EHMT1: variants seen among roughly 807,000 people sequenced by gnomAD.
EHMT1 encodes euchromatic histone lysine methyltransferase 1, also known as histone-lysine N-methyltransferase EHMT1.
In EHMT1, 15 loss-of-function variants were observed where a neutral mutation model predicts 147.2. The observed-to-expected ratio is 0.10, with a 90% CI of 0.07 to 0.16. The LOEUF (loss-of-function observed/expected upper bound fraction) is 0.16. Ranked by LOEUF, EHMT1 falls within the 10% of genes least tolerant of loss-of-function variation. EHMT1 has a pLI of 1.00. For synonymous variants in EHMT1, 795 were observed against 709.6 expected (o/e 1.12, Z -1.91); for missense variants, 1,587 against 1,772.4 (o/e 0.90, Z 1.88).
At chr9:137,754,435 T>C (rs1949220282) in intron 8 of EHMT1, 144 bp downstream of exon 8, 2 of 1,225,288 alleles carry the variant, frequency 1.6e-6, no homozygotes, top group Non-Finnish European at 1.1e-6. Context: ...ATGACTTTGT[T>C]AGAGAAACTC....
At chr9:137,718,197 G>A (rs905511802) in intron 3 of EHMT1, among the ~76,000 whole-genome samples, 5 of 151,500 alleles carry the variant, frequency 3.3e-5, no homozygotes, top group Middle Eastern at 3.4e-3. Context: ...CCCCTCACGC[G>A]CACCGTGCTG....
chr9:137,679,985 CAG>C (rs1299522800), intron 1 of EHMT1, among the ~76,000 whole-genome samples: 1 of 152,176 alleles, frequency 6.6e-6, no homozygotes, highest in African/African-American at 2.4e-5. Flanking sequence ...CCAGCTGCCT[CAG>C]TGTCTCAGTG....
In EHMT1 at chr9:137,743,958, G is replaced by C; in HGVS notation, c.1038G>C (p.Met346Ile). The C allele has an allele frequency of 6.2e-7, 1 of 1,613,864 alleles. No individual in the cohort carries two copies. Among genetic ancestry groups the C allele is most frequent in the East Asian group, 2.2e-5 (1 of 44,886 alleles). ...SLHVNGESLE[M>I]DSDEDDSEEL... is the part of the protein sequence containing the mutation. ...ACGTGAATGGGGAGAGCCTGGAGAT[G>C]GACTCGGATGAGGACGACTCAGAGG... is the stretch of plus-strand genomic sequence containing the variant. Residue 346 changes from methionine (M) to isoleucine (I), a missense_variant, in exon 6 of 27, where the codon ATG (methionine) becomes ATC (isoleucine). Transcript: ENST00000460843.
chr9:137,756,745 A>G (rs1047082013), intron 8 of EHMT1, among the ~76,000 whole-genome samples: 4 of 152,228 alleles, frequency 2.6e-5, no homozygotes, highest in Non-Finnish European at 4.4e-5. Context: ...AATGTGCAAA[A>G]TGTGTGCTTT....
chr9:137,671,123 C>G lies in EHMT1; in HGVS notation c.22-39844C>G, dbSNP rs1940571384. Among the ~76,000 whole-genome samples, 3 of 152,192 alleles carry G rather than the reference C, an allele frequency of 2.0e-5. No individual in the cohort carries two copies. In the South Asian group the frequency reaches 6.2e-4, roughly 31 times the overall value. ...TTGACTTACAGATTAGTGAGGGTGT[C>G]TTGCCTATAGTTAACTGTTTTCCCG... On this transcript the variant is annotated intron_variant, in intron 1 of 26. Coordinates refer to ENST00000460843, the MANE Select transcript of EHMT1 (RefSeq NM_024757.5).
intron 24 of EHMT1, chr9:137,817,835 A>G: frequency 1.6e-6 from 1 of 627,374 alleles, no homozygotes; most frequent in Middle Eastern, 4.2e-4. Flanking sequence ...CTGGGTTCTC[A>G]GGTACCAGAC....
intron 8 of EHMT1, 21 bp downstream of exon 8, chr9:137,754,312 G>A (rs972365690): frequency 6.2e-7 from 1 of 1,613,508 alleles, no homozygotes; most frequent in Non-Finnish European, 8.5e-7. Flanking sequence ...TGGGGGTGTG[G>A]GCCATCACGG....
chr9:137,668,956 AGCTCACTGCAAGCTCC>A (rs1940056898), intron 1 of EHMT1, among the ~76,000 whole-genome samples: 1 of 152,076 alleles, frequency 6.6e-6, no homozygotes, highest in Non-Finnish European at 1.5e-5. Context: ...GCGCAATCTC[AGCTCACTGCAAGCTCC>A]GCCTCCCAGG....
chr9:137,784,593 C>T (rs1163508501), intron 15 of EHMT1: 2 of 268,228 alleles, frequency 7.5e-6, no homozygotes, highest in Non-Finnish European at 1.2e-5. Context: ...CCAGTTTTTG[C>T]CCCAGTGGTT....
intron 1 of EHMT1, chr9:137,681,049 T>TG (rs1249505432): frequency 2.0e-5 from 3 of 152,298 alleles, no homozygotes; most frequent in Admixed American, 1.3e-4. Flanking sequence ...CCCGCTGGAC[T>TG]GAGTTTTAGG....
intron 18 of EHMT1, among the ~76,000 whole-genome samples, chr9:137,811,260 C>T (rs897439801): frequency 1.3e-5 from 2 of 152,052 alleles, no homozygotes; most frequent in African/African-American, 2.4e-5. Flanking sequence ...AAACATGAAA[C>T]GAAGTGCCTT....
chr9:137,619,349 C>T (rs1842806415), intron 1 of EHMT1, among the ~76,000 whole-genome samples: 1 of 151,182 alleles, frequency 6.6e-6, no homozygotes, highest in South Asian at 2.1e-4. Context: ...GCCCGCGCCC[C>T]CCACGGACCC....
At chr9:137,830,147 G>C (rs1183940491) in intron 25 of EHMT1, among the ~76,000 whole-genome samples, 1 of 150,614 alleles carries the variant, frequency 6.6e-6, no homozygotes. Context: ...ATCAGTTATA[G>C]CCATTCTTAT....
rs544779655 is a variant in EHMT1, at chr9:137,652,263, AT to A, written c.21+33225del. On this transcript the variant is annotated intron_variant, in intron 1 of 26. Coordinates refer to ENST00000460843, the MANE Select transcript of EHMT1 (RefSeq NM_024757.5). ...AATGTGTGTGTTTGTGTTTTAGTTA[AT>A]TTTTTTTTTTGTAGAGATGAGGTCT... Among the ~76,000 whole-genome samples the A allele has an allele frequency of 2.3e-3, 346 of 147,986 alleles. 2 individuals carry two copies. Among genetic ancestry groups the A allele is most frequent in the South Asian group, 9.2e-3 (43 of 4,694 alleles).
rs1220305995 is a variant in EHMT1 at position 137,834,251 on chromosome 9, A to G, written c.3541-98A>G. Reference sequence around the variant, plus strand: ...CTCCTGCATGGCGGGCCTGCGCCCAACTGCAGGCTCCGGGACTGCCATGCA... The same window carrying G: ...CTCCTGCATGGCGGGCCTGCGCCCAGCTGCAGGCTCCGGGACTGCCATGCA... On this transcript the variant is annotated intron_variant, in intron 25 of 26. Transcript: ENST00000460843. The G allele has an allele frequency of 2.7e-6, 4 of 1,508,002 alleles. No homozygotes were observed. In the South Asian group the frequency reaches 3.5e-5, roughly 13 times the overall value. 93.4% of individuals were successfully genotyped at this position (1,508,002 alleles called of 1,614,324 possible).
chr9:137,690,491 A>G (rs1942839868), intron 1 of EHMT1, among the ~76,000 whole-genome samples: 1 of 143,902 alleles, frequency 6.9e-6, no homozygotes, highest in Non-Finnish European at 1.5e-5. Flanking sequence ...CCTGGGTGGC[A>G]GTGAGACCCT....
chr9:137,781,095 T>TGACGCCGAGAC (rs1951453836), intron 14 of EHMT1, among the ~76,000 whole-genome samples: 1 of 7,608 alleles, frequency 1.3e-4, no homozygotes, highest in Non-Finnish European at 2.3e-4. Flanking sequence ...GACGCTGGGA[T>TGACGCCGAGAC]GTGTGGTGAT....
intron 1 of EHMT1, among the ~76,000 whole-genome samples, chr9:137,686,964 C>CAA (rs1215107332): frequency 6.6e-6 from 1 of 152,070 alleles, no homozygotes; most frequent in African/African-American, 2.4e-5. Context: ...CTCCTGGCCT[C>CAA]ATGATCCACC....
At chr9:137,702,534 C>T (rs1205876912) in intron 1 of EHMT1, among the ~76,000 whole-genome samples, 1 of 152,210 alleles carries the variant, frequency 6.6e-6, no homozygotes, top group Non-Finnish European at 1.5e-5. Flanking sequence ...GGTGGGCTCC[C>T]AAGGCCTTGG....
Sources: allele counts gnomAD v4.1 joint callset (sites outside exome capture counted in the v4.1 genomes callset), GRCh38; gene constraint gnomAD v4.1.1; transcripts MANE v1.5; gene names NCBI Gene and HGNC (gene_info 2026-07-23, HGNC 2026-07-21).